The following DMD variants were observed in gnomAD, a reference collection of about 807,000 sequenced individuals.
DMD encodes mutant dystrophin.
In DMD, 63 loss-of-function variants were observed where a neutral mutation model predicts 330.1. The observed-to-expected ratio is 0.19, with a 90% CI of 0.16 to 0.24. The LOEUF (loss-of-function observed/expected upper bound fraction) is 0.24, where lower values mean the gene tolerates loss of function less well. DMD is among the 10% of genes least tolerant of loss of function. DMD has a pLI of 1.00. For missense variants in DMD, 3,344 were observed against 2,684.1 expected, an observed-to-expected ratio of 1.25 and a Z score of -5.43; for synonymous variants, 1,223 against 959.8, an observed-to-expected ratio of 1.27 and a Z score of -5.07.
At chrX:31,217,006 C>A (rs1688647453) in intron 64 of DMD, among the ~76,000 whole-genome samples, 1 of 111,166 alleles carries the variant, frequency 9.0e-6, no homozygotes. Context: ...CTCTCTCCAA[C>A]CCACCACACA....
At chrX:33,011,620 A>G (rs2093702453) in intron 2 of DMD, among the ~76,000 whole-genome samples, 1 of 112,145 alleles carries the variant, frequency 8.9e-6, no homozygotes, top group Admixed American at 9.5e-5. Context: ...TTGGAGAGGG[A>G]AAACCATGTT....
intron 44 of DMD, among the ~76,000 whole-genome samples, chrX:32,056,344 T>C (rs1313505008): frequency 9.5e-6 from 1 of 105,400 alleles, no homozygotes; most frequent in African/African-American, 3.4e-5. Flanking sequence ...TAAGAGTTTT[T>C]TTAAAAACAA....
At chrX:31,473,720 A>AAAAAAAAAAAAAAAAAAAAAAAAG (rs1310270784) in intron 59 of DMD, among the ~76,000 whole-genome samples, 2 of 104,369 alleles carry the variant, frequency 1.9e-5, no homozygotes, top group East Asian at 3.2e-4. Flanking sequence ...TCAAAAAAAA[A>AAAAAAAAAAAAAAAAAAAAAAAAG]AAAAAAAAGA....
intron 71 of DMD, 88 bp downstream of exon 71, chrX:31,177,844 G>C (rs2040691244): frequency 2.3e-6 from 2 of 874,004 alleles, no homozygotes; most frequent in Admixed American, 2.4e-5. Context: ...CAAAACAAAA[G>C]AAAACAAACA....
chrX:32,490,200 G>A (rs2042863280), intron 20 of DMD, among the ~76,000 whole-genome samples: 1 of 111,141 alleles, frequency 9.0e-6, no homozygotes. Flanking sequence ...TCCACTCCTT[G>A]CCTTTTGTAT....
intron 41 of DMD, among the ~76,000 whole-genome samples, chrX:32,339,300 T>G (rs1008278475): frequency 4.5e-5 from 5 of 112,032 alleles, no homozygotes; most frequent in Admixed American, 9.5e-5. Flanking sequence ...GAACTATCCC[T>G]TTTCCTCAGT....
intron 9 of DMD, among the ~76,000 whole-genome samples, chrX:32,693,200 T>G (rs756986556): frequency 1.9e-3 from 207 of 111,696 alleles, no homozygotes; most frequent in African/African-American, 6.4e-3. Flanking sequence ...GGCATGGAAA[T>G]GGATTCTCCT....
intron 41 of DMD, among the ~76,000 whole-genome samples, chrX:32,325,397 G>C (rs2097646028): frequency 9.0e-6 from 1 of 111,569 alleles, no homozygotes; most frequent in Non-Finnish European, 1.9e-5. Flanking sequence ...GGTAAATTGA[G>C]TCTTTACATA....
At chrX:31,828,453 C>G (rs183907500) in intron 49 of DMD, among the ~76,000 whole-genome samples, 46 of 110,161 alleles carry the variant, frequency 4.2e-4, no homozygotes, top group Admixed American at 3.6e-3. Context: ...ATCACTAGGT[C>G]AGGAGTTCGA....
chrX:32,314,136 G>A (rs903790900), intron 41 of DMD, among the ~76,000 whole-genome samples: 2 of 111,510 alleles, frequency 1.8e-5, no homozygotes. Flanking sequence ...CACGCTACCT[G>A]ACTTCAAACT....
chrX:31,495,761 C>T (rs1367484641), intron 57 of DMD, among the ~76,000 whole-genome samples: 3 of 111,438 alleles, frequency 2.7e-5, no homozygotes, highest in Non-Finnish European at 5.7e-5. Context: ...CACACTGCAA[C>T]CCCTAGCCAC....
chrX:32,820,265 C>G (rs1329855976), intron 5 of DMD, among the ~76,000 whole-genome samples: 2 of 110,835 alleles, frequency 1.8e-5, no homozygotes, highest in Non-Finnish European at 3.8e-5. Flanking sequence ...CGGTGAAACC[C>G]CATCTCTACT....
At chrX:31,815,923 G>T (rs1334964061) in intron 50 of DMD, among the ~76,000 whole-genome samples, 3 of 111,752 alleles carry the variant, frequency 2.7e-5, no homozygotes, top group Non-Finnish European at 5.6e-5. Context: ...CCTACAGGAT[G>T]ATGAGTGGCC....
chrX:32,163,326 C>T (rs2096856823), intron 44 of DMD, among the ~76,000 whole-genome samples: 2 of 112,144 alleles, frequency 1.8e-5, no homozygotes, highest in Non-Finnish European at 3.8e-5. Context: ...GCAATGACTC[C>T]CTCTGCTTCA....
At chrX:32,724,106 T>C (rs775084690) in intron 7 of DMD, among the ~76,000 whole-genome samples, 100 of 112,144 alleles carry the variant, frequency 8.9e-4, no homozygotes, top group Non-Finnish European at 7.9e-4. Context: ...AAGTCAAATA[T>C]AATACATTTA....
chrX:31,662,933 T>C (rs1018685903), intron 53 of DMD, among the ~76,000 whole-genome samples: 6 of 111,694 alleles, frequency 5.4e-5, no homozygotes, highest in African/African-American at 2.0e-4. Flanking sequence ...AAGGGATTCA[T>C]GGAAAAATTT....
intron 62 of DMD, among the ~76,000 whole-genome samples, chrX:31,262,376 T>A (rs975019305): frequency 9.0e-6 from 1 of 111,672 alleles, no homozygotes; most frequent in East Asian, 2.8e-4. Flanking sequence ...CACCTATGTT[T>A]AAAAAAAATA....
chrX:31,807,942 ATTCTCTCTAGGCTTTCATTT>A (rs1376027489), intron 50 of DMD, among the ~76,000 whole-genome samples: 1 of 111,547 alleles, frequency 9.0e-6, no homozygotes, highest in Non-Finnish European at 1.9e-5. Context: ...TTGGATAACC[ATTCTCTCTAGGCTTTCATTT>A]CCTCTCATGG....
chrX:31,574,267 C>T (rs776729920), intron 55 of DMD, among the ~76,000 whole-genome samples: 35 of 107,268 alleles, frequency 3.3e-4, no homozygotes, highest in African/African-American at 1.1e-3. Flanking sequence ...CCTCAGCCTC[C>T]TGAGTAGCTG....
Sources: allele counts gnomAD v4.1 joint callset (sites outside exome capture counted in the v4.1 genomes callset), GRCh38; gene constraint gnomAD v4.1.1; transcripts MANE v1.5; gene names NCBI Gene and HGNC (gene_info 2026-07-23, HGNC 2026-07-21).